SPOPL: variants seen among roughly 807,000 people sequenced by gnomAD.
SPOPL encodes speckle type BTB/POZ protein like, also known as speckle-type POZ protein-like.
In SPOPL, 23 loss-of-function variants were observed where a neutral mutation model predicts 53.8. That is an observed-to-expected ratio of 0.43 (90% CI 0.31 to 0.61). The LOEUF is 0.61. SPOPL is among the 20% of genes least tolerant of loss of function. The pLI is 0.12. For synonymous variants in SPOPL, 164 were observed against 149.7 expected (o/e 1.10, Z -0.70); for missense variants, 442 against 466.9 (o/e 0.95, Z 0.49).
chr2:138,562,082 T>G (rs1022903941), intron 8 of SPOPL, among the ~76,000 whole-genome samples: 2 of 152,056 alleles, frequency 1.3e-5, no homozygotes, highest in Non-Finnish European at 2.9e-5. Context: ...GGACTGAAAG[T>G]CTCAATATTG....
chr2:138,547,613 C>CACT (rs201277999), intron 1 of SPOPL, among the ~76,000 whole-genome samples: 1,655 of 152,014 alleles, frequency 0.011, 33 homozygotes, highest in African/African-American at 0.038. Flanking sequence ...CCATGTTTTC[C>CACT]ACTTTTAAAA....
chr2:138,519,348 G>A (rs1209604321), intron 1 of SPOPL, among the ~76,000 whole-genome samples: 1 of 150,986 alleles, frequency 6.6e-6, no homozygotes, highest in Non-Finnish European at 1.5e-5. Flanking sequence ...AAGGAGCTTA[G>A]CATATTTGAT....
At chr2:138,516,457 A>C (rs1314615979) in intron 1 of SPOPL, among the ~76,000 whole-genome samples, 1 of 152,220 alleles carries the variant, frequency 6.6e-6, no homozygotes, top group Admixed American at 6.5e-5. Context: ...TGGTCAAGCT[A>C]TTCTAGCTAA....
At chr2:138,523,875 C>T (rs28843183) in intron 1 of SPOPL, among the ~76,000 whole-genome samples, 73,902 of 152,000 alleles carry the variant, frequency 0.49, 22,132 homozygotes, top group Non-Finnish European at 0.67. Flanking sequence ...TGAGTGTCTG[C>T]GGGTTTTCCA....
intron 2 of SPOPL, 48 bp from the exon 3 acceptor site, chr2:138,550,435 A>G (rs1685289095): frequency 1.9e-6 from 3 of 1,595,704 alleles, no homozygotes; most frequent in African/African-American, 1.3e-5. Context: ...GTAACAAGTT[A>G]AAAGTATTAC....
chr2:138,561,667 CTTAAA>C (rs1048764008), intron 8 of SPOPL, among the ~76,000 whole-genome samples: 23 of 151,210 alleles, frequency 1.5e-4, no homozygotes, highest in African/African-American at 4.6e-4. Context: ...TCAATAAAAA[CTTAAA>C]TTAAAAACAC....
chr2:138,538,369 C>G (rs1385934073), intron 1 of SPOPL, among the ~76,000 whole-genome samples: 1 of 151,988 alleles, frequency 6.6e-6, no homozygotes, highest in Non-Finnish European at 1.5e-5. Flanking sequence ...TGCTTGATAT[C>G]GTTTGGGGCT....
intron 8 of SPOPL, among the ~76,000 whole-genome samples, chr2:138,562,428 A>T (rs1685568871): frequency 6.6e-6 from 1 of 152,188 alleles, no homozygotes; most frequent in Non-Finnish European, 1.5e-5. Flanking sequence ...GAAAAAGGAT[A>T]ATCTTTAAAC....
In SPOPL at chr2:138,523,797, C is replaced by T. The variant is rs138039260; in HGVS notation, c.-61+21678C>T. Reference sequence around the variant, plus strand: ...ATGCTGATGCAACATCCTTTGGTCTCAAGCAGTTCTGCCCCTGTGGTTTTG... The same window carrying T: ...ATGCTGATGCAACATCCTTTGGTCTTAAGCAGTTCTGCCCCTGTGGTTTTG... On this transcript the variant is annotated intron_variant, in intron 1 of 10. Coordinates refer to ENST00000280098, the MANE Select transcript of SPOPL (RefSeq NM_001001664.3). Among the ~76,000 whole-genome samples the T allele has an allele frequency of 3.7e-3, 566 of 152,318 alleles. 2 individuals carry two copies. Among genetic ancestry groups the T allele is most frequent in the Non-Finnish European group, 5.6e-3 (378 of 68,016 alleles).
intron 1 of SPOPL, among the ~76,000 whole-genome samples, chr2:138,544,460 C>T (rs961755106): frequency 3.5e-4 from 53 of 152,206 alleles, no homozygotes; most frequent in African/African-American, 1.2e-3. Flanking sequence ...GCCTCGCTGC[C>T]GCCTTGCAGT....
chr2:138,568,723 G>A (rs938755611), intron 10 of SPOPL, among the ~76,000 whole-genome samples: 2 of 152,032 alleles, frequency 1.3e-5, no homozygotes, highest in African/African-American at 4.8e-5. Flanking sequence ...ATACTTTAAG[G>A]GAGCCGAACT....
At chr2:138,517,541 C>G (rs1429951560) in intron 1 of SPOPL, among the ~76,000 whole-genome samples, 1 of 150,708 alleles carries the variant, frequency 6.6e-6, no homozygotes, top group Non-Finnish European at 1.5e-5. Context: ...GAGATCGAGA[C>G]CATCCTGGCT....
chr2:138,524,577 C>T (rs1454838396), intron 1 of SPOPL, among the ~76,000 whole-genome samples: 2 of 152,226 alleles, frequency 1.3e-5, no homozygotes, highest in Non-Finnish European at 2.9e-5. Context: ...CCTTTAACAG[C>T]ACCCAGGTCA....
intron 7 of SPOPL, among the ~76,000 whole-genome samples, 175 bp from the exon 8 acceptor site, chr2:138,560,630 G>A: frequency 6.6e-6 from 1 of 151,772 alleles, no homozygotes; most frequent in East Asian, 1.9e-4. Context: ...ACTTAATGAA[G>A]TTTACCTACC....
At chr2:138,520,011 A>C (rs1281304668) in intron 1 of SPOPL, among the ~76,000 whole-genome samples, 4 of 152,192 alleles carry the variant, frequency 2.6e-5, no homozygotes, top group Non-Finnish European at 5.9e-5. Context: ...GGTGACATTT[A>C]AGATTAAAAT....
rs1317815965 is a variant in SPOPL, at chr2:138,572,542, A to G, written c.*3462A>G. The G allele has an allele frequency of 1.3e-5, 2 of 152,570 alleles. No individual in the cohort carries two copies. The highest frequency in any genetic ancestry group is 6.5e-5 in the Admixed American group (1 of 15,280). The allele number at this position is 152,570 out of a possible 1,614,324, so 9.5% of individuals were successfully genotyped here. A position where few individuals can be genotyped will look rare whatever the true frequency, so the allele number is the denominator to read the frequency against. ...AAGTATACTTGGCTTAGAGCCAAGTATACTTGAAGAGGTGAATTATTCTGA... is the reference window on the plus strand; with the variant it reads ...AAGTATACTTGGCTTAGAGCCAAGTGTACTTGAAGAGGTGAATTATTCTGA... On this transcript the variant is annotated 3_prime_UTR_variant, in exon 11 of 11. Transcript: ENST00000280098.
Position 138,550,204 on chromosome 2 carries a change from C to A in SPOPL, c.-13C>A. ...GTACTACATAAATCCTGAAAGACTACAATAAAGTGGTGATGTCTCGGGAAC... is the reference window on the plus strand; with the variant it reads ...GTACTACATAAATCCTGAAAGACTAAAATAAAGTGGTGATGTCTCGGGAAC... On this transcript the variant is annotated 5_prime_UTR_variant, in exon 2 of 11. Coordinates refer to ENST00000280098, the MANE Select transcript of SPOPL (RefSeq NM_001001664.3). 1.9e-6 allele frequency: 3 copies of A among 1,612,570 alleles called. No homozygotes were observed. The highest frequency in any genetic ancestry group is 1.7e-6 in the Non-Finnish European group (2 of 1,179,030).
chr2:138,517,613 G>T (rs990826306), intron 1 of SPOPL, among the ~76,000 whole-genome samples: 1 of 151,874 alleles, frequency 6.6e-6, no homozygotes, highest in African/African-American at 2.4e-5. Context: ...GGTGGCGGGT[G>T]CCTGTAGTCC....
At chr2:138,506,693 T>C (rs1344720213) in intron 1 of SPOPL, among the ~76,000 whole-genome samples, 3 of 152,256 alleles carry the variant, frequency 2.0e-5, no homozygotes, top group South Asian at 2.1e-4. Context: ...CATTTTTCAA[T>C]TGGAGACTTA....
Sources: gnomAD v4.1 joint callset for allele counts (sites outside exome capture counted in the v4.1 genomes callset) on GRCh38, gnomAD v4.1.1 for gene constraint, MANE v1.5 for transcripts, NCBI Gene and HGNC (gene_info 2026-07-23, HGNC 2026-07-21) for gene names.